CNTNAP2: variants seen among roughly 807,000 people sequenced by gnomAD.
CNTNAP2 encodes contactin associated protein 2, also known as contactin-associated protein-like 2.
In CNTNAP2, 98 loss-of-function variants were observed where a neutral mutation model predicts 155.2. The observed-to-expected ratio is 0.63, with a 90% CI of 0.54 to 0.75. The LOEUF is 0.75. Among genes scored for constraint, CNTNAP2 ranks in the 30% least tolerant of loss-of-function variants. CNTNAP2 has a pLI of 0.00. For synonymous variants in CNTNAP2, 651 were observed against 631.2 expected, an observed-to-expected ratio of 1.03 and a Z score of -0.47; for missense variants, 1,727 against 1,688.1, an observed-to-expected ratio of 1.02 and a Z score of -0.40.
At chr7:147,452,314 T>C (rs959305131) in intron 10 of CNTNAP2, among the ~76,000 whole-genome samples, 1 of 152,228 alleles carries the variant, frequency 6.6e-6, no homozygotes, top group African/African-American at 2.4e-5. Context: ...ATCATTATTT[T>C]ATATCAAAAA....
At position 147,515,321 on chromosome 7, in the gene CNTNAP2, C is replaced by CTTTTTTTTTT. The variant is rs763147267; in HGVS notation, c.1777+29287_1777+29288insTTTTTTTTTT. On this transcript the variant is annotated intron_variant, in intron 11 of 23. Coordinates refer to ENST00000361727, the MANE Select transcript of CNTNAP2 (RefSeq NM_014141.6). Reference sequence around the variant, plus strand: ...ATTTTTCTTCATAGTTCATTATATTCTTTTTTTGTTTGTTTGTTTTGAGAC... The same window carrying CTTTTTTTTTT: ...ATTTTTCTTCATAGTTCATTATATTCTTTTTTTTTTTTTTTTTGTTTGTTTGTTTTGAGAC... Among the ~76,000 whole-genome samples, 32 of 126,210 alleles carry CTTTTTTTTTT rather than the reference C, an allele frequency of 2.5e-4. 5 individuals are homozygous for CTTTTTTTTTT. The highest frequency in any genetic ancestry group is 7.0e-4 in the African/African-American group (25 of 35,648). 82.8% of individuals were successfully genotyped at this position (126,210 alleles called of 152,430 possible).
chr7:146,243,917 G>A (rs1799602164), intron 1 of CNTNAP2, among the ~76,000 whole-genome samples: 1 of 152,174 alleles, frequency 6.6e-6, no homozygotes, highest in Admixed American at 6.5e-5. Flanking sequence ...GATAATGGGC[G>A]ATGTTTCTCA....
chr7:146,787,485 C>T (rs1478822712), intron 2 of CNTNAP2, among the ~76,000 whole-genome samples: 1 of 152,100 alleles, frequency 6.6e-6, no homozygotes, highest in Non-Finnish European at 1.5e-5. Flanking sequence ...AAAGGCTGCA[C>T]GTCTGGAGTT....
chr7:147,594,418 T>A (rs1800791501), intron 12 of CNTNAP2, among the ~76,000 whole-genome samples: 1 of 152,142 alleles, frequency 6.6e-6, no homozygotes, highest in African/African-American at 2.4e-5. Flanking sequence ...TTCATAGCTC[T>A]CACCATATGT....
At position 147,147,754 on chromosome 7, in the gene CNTNAP2, G is replaced by A. The variant is rs1486070891; in HGVS notation, c.1348+15245G>A. ...ATGCTACTGCCTTTCTATAGTAGCC[G>A]AACAGAGGAGAACAATCTTTCTTCC... On this transcript the variant is annotated intron_variant, in intron 8 of 23. Coordinates refer to ENST00000361727, the MANE Select transcript of CNTNAP2 (RefSeq NM_014141.6). Among the ~76,000 whole-genome samples, 5 of 151,972 alleles carry A rather than the reference G, an allele frequency of 3.3e-5. No individual in the cohort carries two copies. In the East Asian group the frequency reaches 5.8e-4, roughly 18 times the overall value.
At chr7:146,332,418 G>A (rs1027110009) in intron 1 of CNTNAP2, among the ~76,000 whole-genome samples, 13 of 152,200 alleles carry the variant, frequency 8.5e-5, no homozygotes, top group Non-Finnish European at 1.6e-4. Flanking sequence ...AAATATAATA[G>A]CTTAACTATT....
rs371335889 is a variant in CNTNAP2 at position 147,467,646 on chromosome 7, GCACTTATACCCA to G, written c.1671-18287_1671-18276del. Reference sequence around the variant, plus strand: ...CACCATATATGGATGTGAGACATCTGCACTTATACCCACTAAATACAAATAAGTAAATGACTG... The same window carrying G: ...CACCATATATGGATGTGAGACATCTGCTAAATACAAATAAGTAAATGACTG... On this transcript the variant is annotated intron_variant, in intron 10 of 23. Transcript: ENST00000361727. Among the ~76,000 whole-genome samples, 335 of 152,280 alleles carry G rather than the reference GCACTTATACCCA, an allele frequency of 2.2e-3. 1 individual carries two copies. Among genetic ancestry groups the G allele is most frequent in the African/African-American group, 7.7e-3 (322 of 41,558 alleles).
chr7:146,204,850 G>A (rs1798921906), intron 1 of CNTNAP2, among the ~76,000 whole-genome samples: 1 of 151,856 alleles, frequency 6.6e-6, no homozygotes, highest in African/African-American at 2.4e-5. Flanking sequence ...CATGCAATGG[G>A]ACAGGCAATG....
chr7:147,130,869 A>T (rs930234058), intron 7 of CNTNAP2, among the ~76,000 whole-genome samples: 1 of 152,078 alleles, frequency 6.6e-6, no homozygotes, highest in Non-Finnish European at 1.5e-5. Context: ...AATCTCAATT[A>T]TTATGCATAG....
At chr7:146,588,600 C>G (rs1052988509) in intron 1 of CNTNAP2, among the ~76,000 whole-genome samples, 3 of 151,964 alleles carry the variant, frequency 2.0e-5, no homozygotes, top group African/African-American at 7.3e-5. Context: ...TCGACCTCCC[C>G]AAGCTCAGGT....
At chr7:146,837,854 C>A (rs1190032313) in intron 2 of CNTNAP2, among the ~76,000 whole-genome samples, 3 of 152,130 alleles carry the variant, frequency 2.0e-5, no homozygotes, top group African/African-American at 7.2e-5. Flanking sequence ...TGGAGGGATT[C>A]AACAAGGTCT....
intron 8 of CNTNAP2, among the ~76,000 whole-genome samples, chr7:147,193,072 T>C (rs1802714722): frequency 2.0e-5 from 3 of 152,250 alleles, no homozygotes. Flanking sequence ...TGTGTGACAA[T>C]AATATAATAC....
At position 147,147,373 on chromosome 7, in the gene CNTNAP2, G is replaced by A. The variant is rs182473273; in HGVS notation, c.1348+14864G>A. On this transcript the variant is annotated intron_variant, in intron 8 of 23. Transcript: ENST00000361727. ...TATCAGTATATAAATCTGCTTTGTGGTGACCTAATGCAAACAGTTTCTTTT... is the reference window on the plus strand; with the variant it reads ...TATCAGTATATAAATCTGCTTTGTGATGACCTAATGCAAACAGTTTCTTTT... Among the ~76,000 whole-genome samples, 7 of 152,208 alleles carry A rather than the reference G, an allele frequency of 4.6e-5. No individual in the cohort carries two copies. In the East Asian group the frequency reaches 1.4e-3, roughly 29 times the overall value.
intron 16 of CNTNAP2, among the ~76,000 whole-genome samples, chr7:148,141,372 T>A (rs1214469431): frequency 2.6e-5 from 4 of 152,270 alleles, no homozygotes; most frequent in Non-Finnish European, 4.4e-5. Flanking sequence ...TAATGTAGCA[T>A]GCTCTTAGAC....
chr7:147,802,946 T>G lies in CNTNAP2; in HGVS notation c.2099-100619T>G, dbSNP rs184276993. On this transcript the variant is annotated intron_variant, in intron 13 of 23. Coordinates refer to ENST00000361727, the MANE Select transcript of CNTNAP2 (RefSeq NM_014141.6). ...ACTTCGGAAACAGCAATAATAATAG[T>G]AATAATTATAATAAATAGTCTAAAT... Among the ~76,000 whole-genome samples the G allele has an allele frequency of 1.8e-3, 269 of 152,118 alleles. 2 individuals carry two copies. The highest frequency in any genetic ancestry group is 5.7e-4 in the Non-Finnish European group (39 of 68,000).
chr7:148,308,177 A>T (rs1423257255), intron 21 of CNTNAP2, among the ~76,000 whole-genome samples: 1 of 152,132 alleles, frequency 6.6e-6, no homozygotes, highest in African/African-American at 2.4e-5. Flanking sequence ...CACGCAGTGA[A>T]TTTTCTTCTT....
chr7:147,551,016 A>G (rs1799842664), intron 11 of CNTNAP2, among the ~76,000 whole-genome samples: 1 of 152,194 alleles, frequency 6.6e-6, no homozygotes, highest in South Asian at 2.1e-4. Flanking sequence ...ACTAACTTGC[A>G]TACACCAGGC....
chr7:148,381,124 C>G (rs767895565), intron 21 of CNTNAP2, among the ~76,000 whole-genome samples: 30 of 152,252 alleles, frequency 2.0e-4, no homozygotes, highest in Non-Finnish European at 3.7e-4. Context: ...TCTGTGCAGG[C>G]TCCGTGGCAG....
At chr7:146,743,686 C>T (rs986125112) in intron 1 of CNTNAP2, among the ~76,000 whole-genome samples, 1 of 152,030 alleles carries the variant, frequency 6.6e-6, no homozygotes, top group African/African-American at 2.4e-5. Flanking sequence ...ATACACATCC[C>T]TCAATTAGTA....
Sources: allele counts gnomAD v4.1 joint callset (sites outside exome capture counted in the v4.1 genomes callset), GRCh38; gene constraint gnomAD v4.1.1; transcripts MANE v1.5; gene names NCBI Gene and HGNC (gene_info 2026-07-23, HGNC 2026-07-21).